Variants in MCC observed in about 807,000 individuals in gnomAD.
The protein encoded by MCC is MCC regulator of Wnt signaling pathway.
MCC carries 90 observed loss-of-function variants against 116.2 expected under a neutral mutation model. The ratio of observed to expected loss-of-function variants is 0.77; its 90% CI spans 0.65 to 0.92. The LOEUF is 0.92. Ranked by LOEUF, MCC falls within the 40% of genes least tolerant of loss-of-function variation. The pLI, the probability that MCC is intolerant of heterozygous loss-of-function variation, is 0.00. For missense variants in MCC, 1,516 were observed against 1,312.2 expected (o/e 1.16, Z -2.40); for synonymous variants, 578 against 510.5 (o/e 1.13, Z -1.78).
intron 5 of MCC, among the ~76,000 whole-genome samples, chr5:113,127,788 A>C (rs1057274388): frequency 6.6e-6 from 1 of 152,162 alleles, no homozygotes; most frequent in Admixed American, 6.6e-5. Context: ...CCCATTGTGT[A>C]AGTTGTCTGT....
intron 1 of MCC, among the ~76,000 whole-genome samples, chr5:113,478,784 G>C (rs1375916636): frequency 6.6e-6 from 1 of 152,202 alleles, no homozygotes; most frequent in African/African-American, 2.4e-5. Flanking sequence ...ATGTTCCTCA[G>C]GCAAAGCAGT....
At position 113,332,221 on chromosome 5, in the gene MCC, C is replaced by T. The variant is rs1001314246; in HGVS notation, c.627+8298G>A. 4.7e-4 allele frequency among the ~76,000 whole-genome samples: 71 copies of T among 151,260 alleles called. 5 individuals carry two copies. The highest frequency in any genetic ancestry group is 1.6e-3 in the African/African-American group (65 of 40,714). On this transcript the variant is annotated intron_variant, in intron 3 of 18. Transcript: ENST00000408903. ...TTTGAGACAATGTCTTGCTATGTTG[C>T]CCAGGCTAGGGTGCAGGCATGATCA...
chr5:113,419,904 G>A (rs1185026310), intron 1 of MCC, among the ~76,000 whole-genome samples: 2 of 149,066 alleles, frequency 1.3e-5, no homozygotes, highest in African/African-American at 2.5e-5. Flanking sequence ...ATAGCATTAG[G>A]AGATATACCT....
chr5:113,042,305 CA>C (rs59401267), intron 17 of MCC, among the ~76,000 whole-genome samples: 7,303 of 89,464 alleles, frequency 0.082, 432 homozygotes, highest in African/African-American at 0.21. Context: ...GACCCTGTCT[CA>C]AAAAAAAAAA....
intron 3 of MCC, among the ~76,000 whole-genome samples, chr5:113,266,814 AAAAAAAAACCTAAC>A (rs1163910955): frequency 8.7e-6 from 1 of 115,446 alleles, no homozygotes; most frequent in Non-Finnish European, 2.2e-5. Flanking sequence ...AAACAAAACA[AAAAAAAAACCTAAC>A]AAAAAAACCT....
intron 1 of MCC, among the ~76,000 whole-genome samples, chr5:113,482,081 G>A (rs185444452): frequency 2.0e-5 from 3 of 152,234 alleles, no homozygotes; most frequent in Admixed American, 2.0e-4. Flanking sequence ...CCTTGTTATA[G>A]CATGTATTAG....
At chr5:113,372,622 G>A (rs759974358) in intron 2 of MCC, among the ~76,000 whole-genome samples, 13 of 152,124 alleles carry the variant, frequency 8.5e-5, no homozygotes, top group Non-Finnish European at 1.9e-4. Context: ...AACATCATAA[G>A]TACAGAATTT....
At chr5:113,171,679 C>G (rs1318703405) in intron 3 of MCC, among the ~76,000 whole-genome samples, 2 of 152,132 alleles carry the variant, frequency 1.3e-5, no homozygotes, top group African/African-American at 4.8e-5. Flanking sequence ...CCTCTTTAAC[C>G]CAGAACATCT....
intron 1 of MCC, among the ~76,000 whole-genome samples, chr5:113,466,169 TTC>T (rs1282740123): frequency 1.5e-5 from 1 of 68,370 alleles, no homozygotes; most frequent in Non-Finnish European, 2.8e-5. Flanking sequence ...TGAGTAGCCA[TTC>T]TTTTTTTTTT....
intron 2 of MCC, among the ~76,000 whole-genome samples, chr5:113,353,860 G>T (rs1311527861): frequency 6.6e-6 from 1 of 152,196 alleles, no homozygotes. Context: ...AGTGGACAAT[G>T]GAGAATTCTT....
intron 3 of MCC, among the ~76,000 whole-genome samples, chr5:113,200,683 C>G (rs945165773): frequency 3.3e-5 from 5 of 152,058 alleles, no homozygotes; most frequent in Non-Finnish European, 5.9e-5. Context: ...AAAAAGCAAA[C>G]AAAGAAAAGC....
At chr5:113,435,327 C>T (rs928123468) in intron 1 of MCC, among the ~76,000 whole-genome samples, 1 of 148,764 alleles carries the variant, frequency 6.7e-6, no homozygotes, top group Non-Finnish European at 1.5e-5. Context: ...GTGTAGGGAA[C>T]CCTGAGGGTC....
chr5:113,259,152 C>A (rs1332433630), intron 3 of MCC, among the ~76,000 whole-genome samples: 1 of 152,194 alleles, frequency 6.6e-6, no homozygotes, highest in African/African-American at 2.4e-5. Context: ...TCTCTCATAA[C>A]TGAAGGCAAA....
At chr5:113,389,019 C>T (rs559039366) in intron 1 of MCC, among the ~76,000 whole-genome samples, 2 of 152,272 alleles carry the variant, frequency 1.3e-5, no homozygotes, top group East Asian at 3.9e-4. Context: ...ATTAACAACG[C>T]TTTTATATCA....
chr5:113,296,248 G>C lies in MCC; in HGVS notation c.627+44271C>G, dbSNP rs1312189918. On this transcript the variant is annotated intron_variant, in intron 3 of 18. Transcript: ENST00000408903. The stretch of plus-strand genomic sequence containing the variant: ...AACTGCATGTTTGAAGCTGGAAATG[G>C]TGGTATATACATAACTATGAAGAAG... Among the ~76,000 whole-genome samples, 3 of 152,146 alleles carry C rather than the reference G, an allele frequency of 2.0e-5. No individual in the cohort carries two copies. The East Asian group carries it at 5.8e-4, about 29-fold the overall frequency.
intron 3 of MCC, among the ~76,000 whole-genome samples, chr5:113,259,965 C>T (rs899534189): frequency 2.6e-5 from 4 of 152,002 alleles, no homozygotes; most frequent in African/African-American, 9.7e-5. Flanking sequence ...TACAAATAAG[C>T]TCAAACTACA....
chr5:113,066,238 G>A (rs1035692873), intron 13 of MCC, among the ~76,000 whole-genome samples: 8 of 152,090 alleles, frequency 5.3e-5, no homozygotes, highest in African/African-American at 1.9e-4. Flanking sequence ...TACCTTGTGA[G>A]GCCTGAACAG....
intron 3 of MCC, among the ~76,000 whole-genome samples, chr5:113,316,811 C>A (rs770697372): frequency 6.6e-5 from 10 of 152,148 alleles, no homozygotes; most frequent in Non-Finnish European, 1.2e-4. Flanking sequence ...TTCAGCCCAA[C>A]CCACTGATTT....
At chr5:113,033,282 A>G (rs1041956311) in intron 17 of MCC, among the ~76,000 whole-genome samples, 2 of 152,238 alleles carry the variant, frequency 1.3e-5, no homozygotes, top group Non-Finnish European at 2.9e-5. Context: ...GGACTGGCGT[A>G]AGGCAGAAGA....
Sources: gnomAD v4.1 joint callset for allele counts (sites outside exome capture counted in the v4.1 genomes callset) on GRCh38, gnomAD v4.1.1 for gene constraint, MANE v1.5 for transcripts, NCBI Gene and HGNC (gene_info 2026-07-23, HGNC 2026-07-21) for gene names.